Variants in ABCA4 observed in about 807,000 individuals in gnomAD.
The protein encoded by ABCA4 is ATP binding cassette subfamily A member 4, also known as retinal-specific phospholipid-transporting ATPase ABCA4.
A neutral mutation model predicts 263.7 loss-of-function variants in ABCA4; 196 were observed. The observed-to-expected ratio is 0.74, with a 90% CI of 0.66 to 0.84. The LOEUF is 0.84. Ranked by LOEUF, ABCA4 falls within the 40% of genes least tolerant of loss-of-function variation. The pLI is 0.00. For missense variants in ABCA4, 2,792 were observed against 2,855.1 expected, an observed-to-expected ratio of 0.98 and a Z score of 0.50; for synonymous variants, 1,133 against 1,094.2, an observed-to-expected ratio of 1.04 and a Z score of -0.70.
At chr1:94,117,035 T>C (rs1662807502) in intron 1 of ABCA4, among the ~76,000 whole-genome samples, 1 of 148,098 alleles carries the variant, frequency 6.8e-6, no homozygotes, top group Non-Finnish European at 1.5e-5. Context: ...TCCTTTTCTT[T>C]CTTTCTTCTT....
chr1:94,084,301 A>C (rs1661779313), intron 6 of ABCA4, among the ~76,000 whole-genome samples: 1 of 152,250 alleles, frequency 6.6e-6, no homozygotes, highest in South Asian at 2.1e-4. Context: ...GTAGGTGTGA[A>C]GTGAGCACTG....
At chr1:94,040,466 G>A (rs1473997595) in intron 23 of ABCA4, among the ~76,000 whole-genome samples, 4 of 152,074 alleles carry the variant, frequency 2.6e-5, no homozygotes, top group Non-Finnish European at 2.9e-5. Context: ...AAACCCCAGC[G>A]GCAGCCAGAC....
chr1:94,041,741 A>G lies in ABCA4; in HGVS notation c.3329-339T>C, dbSNP rs116951320. Among the ~76,000 whole-genome samples, 60 of 152,206 alleles carry G rather than the reference A, an allele frequency of 3.9e-4. No homozygotes were observed. The East Asian group carries it at 9.5e-3, about 24-fold the overall frequency. ...CATTTTCTGGATCATTAAGCTCTGG[A>G]TTTATACTCTTCATAAAGAACACAC... On this transcript the variant is annotated intron_variant, in intron 22 of 49. Transcript: ENST00000370225.
Position 94,046,455 on chromosome 1 carries a change from C to CAAAAAAAA in ABCA4, c.2918+456_2918+463dup, listed in dbSNP as rs61333901. ...CCAGCATGGGTAATGGTTACTATCT[C>CAAAAAAAA]AAAAAAAAAAAAAAAAAAAAAGAAA... On this transcript the variant is annotated intron_variant, in intron 19 of 49. Transcript: ENST00000370225. Among the ~76,000 whole-genome samples the CAAAAAAAA allele has an allele frequency of 1.5e-3, 62 of 42,116 alleles. 1 individual carries two copies. The highest frequency in any genetic ancestry group is 1.9e-3 in the Non-Finnish European group (42 of 22,152). The allele number at this position is 42,116 out of a possible 152,430, so 27.6% of individuals were successfully genotyped here. A position where few individuals can be genotyped will look rare whatever the true frequency, so the allele number is the denominator to read the frequency against.
rs1224355849 is a variant in ABCA4 at position 93,996,150 on chromosome 1, G to A, written c.6775C>T (p.Pro2259Ser). 1.2e-6 allele frequency: 2 copies of A among 1,613,926 alleles called. No homozygotes were observed. Among genetic ancestry groups the A allele is most frequent in the African/African-American group, 2.7e-5 (2 of 74,944 alleles). The change falls in exon 49 of 50, where the codon CCT (proline) becomes TCT (serine). Residue 2259 changes from proline to serine, a missense_variant. By Grantham distance (74) the Pro-to-Ser change is moderately conservative. Transcript: ENST00000370225. Reference protein sequence around the residue: ...AKQQTESHDLPLHPRAAGASR... With the variant: ...AKQQTESHDLSLHPRAAGASR... ...GCTCCAGCAGCTCGAGGGTGCAGAGGGAGGTCATGACTTTCAGTCTGCTGT... is the reference window on the plus strand; with the variant it reads ...GCTCCAGCAGCTCGAGGGTGCAGAGAGAGGTCATGACTTTCAGTCTGCTGT...
chr1:94,043,351 C>A lies in ABCA4; in HGVS notation c.3175G>T (p.Ala1059Ser), dbSNP rs765972338. The A allele has an allele frequency of 4.3e-6, 7 of 1,613,956 alleles. No individual in the cohort carries two copies. The highest frequency in any genetic ancestry group is 2.7e-5 in the African/African-American group (2 of 74,890). The change falls in exon 21 of 50, where the codon GCT becomes TCT. Residue 1059 changes from alanine to serine, a missense_variant. By Grantham distance (99) the Ala-to-Ser change is moderately conservative (BLOSUM62 1). Coordinates refer to ENST00000370225, the MANE Select transcript of ABCA4 (RefSeq NM_000350.3). Reference sequence around the variant, plus strand: ...CTCTGAGCACCTGATAGGTCCTGAGCCTCTTCATTCCGCTTGTGGTGGAGG... The same window carrying A: ...CTCTGAGCACCTGATAGGTCCTGAGACTCTTCATTCCGCTTGTGGTGGAGG... ...TGLHHKRNEE[A>S]QDLSGGMQRK...
chr1:94,015,613 G>A, intron 37 of ABCA4, 126 bp downstream of exon 37: 1 of 771,100 alleles, frequency 1.3e-6, no homozygotes, highest in Non-Finnish European at 2.3e-6. Context: ...CCTACCTGGG[G>A]CCGGAAGCTA....
At chr1:94,057,993 A>C (rs1661024796) in intron 14 of ABCA4, among the ~76,000 whole-genome samples, 1 of 152,234 alleles carries the variant, frequency 6.6e-6, no homozygotes. Flanking sequence ...CCTCTCATAG[A>C]AAAGAGACCA....
chr1:94,062,524 T>C, intron 13 of ABCA4, 53 bp downstream of exon 13: 48 of 691,874 alleles, frequency 6.9e-5, no homozygotes, highest in East Asian at 8.9e-5. Context: ...CCCAGCCCAC[T>C]CCAGCACCCC....
chr1:94,051,601 A>C (rs1415543154), intron 17 of ABCA4, 32 bp downstream of exon 17: 1 of 1,583,554 alleles, frequency 6.3e-7, no homozygotes. Flanking sequence ...AGTTGATTTC[A>C]AACATTAAGA....
chr1:94,090,372 A>C (rs1369737262), intron 6 of ABCA4, among the ~76,000 whole-genome samples: 1 of 151,662 alleles, frequency 6.6e-6, no homozygotes, highest in Non-Finnish European at 1.5e-5. Flanking sequence ...AAAAAAAAAA[A>C]CTTCAAATCT....
chr1:94,001,432 T>C (rs186760911), intron 45 of ABCA4: 148 of 494,566 alleles, frequency 3.0e-4, no homozygotes, highest in African/African-American at 2.7e-3. Context: ...CTCAGGTCAC[T>C]TCCTTGGTTC....
chr1:94,097,696 G>A (rs570086675), intron 6 of ABCA4, among the ~76,000 whole-genome samples: 2 of 152,254 alleles, frequency 1.3e-5, no homozygotes, highest in South Asian at 4.1e-4. Context: ...TGGGGGTGGG[G>A]ATTTAGCACT....
chr1:94,010,768 G>C (rs1557763553), intron 40 of ABCA4, 32 bp downstream of exon 40: 5 of 1,614,006 alleles, frequency 3.1e-6, no homozygotes, highest in Non-Finnish European at 4.2e-6. Context: ...GCCCTGAGCT[G>C]CCCACTGGCC....
At chr1:94,049,301 C>A (rs1660771998) in intron 17 of ABCA4, among the ~76,000 whole-genome samples, 1 of 152,138 alleles carries the variant, frequency 6.6e-6, no homozygotes, top group Non-Finnish European at 1.5e-5. Context: ...CAATACAAAA[C>A]ATGTGAAAGT....
At chr1:94,076,331 G>C (rs1271142767) in intron 11 of ABCA4, among the ~76,000 whole-genome samples, 2 of 152,196 alleles carry the variant, frequency 1.3e-5, no homozygotes, top group Non-Finnish European at 2.9e-5. Flanking sequence ...ATCAGCAGAG[G>C]AGAGGGCCTG....
At chr1:94,068,088 T>C (rs1384589762) in intron 11 of ABCA4, among the ~76,000 whole-genome samples, 1 of 152,174 alleles carries the variant, frequency 6.6e-6, no homozygotes, top group Non-Finnish European at 1.5e-5. Context: ...TCTGGGAACA[T>C]ATCCCATCCT....
chr1:94,034,243 T>C (rs1245558959), intron 26 of ABCA4, among the ~76,000 whole-genome samples: 1 of 152,188 alleles, frequency 6.6e-6, no homozygotes, highest in Non-Finnish European at 1.5e-5. Context: ...CAATAAATAA[T>C]GAAGGGCTGC....
intron 4 of ABCA4, among the ~76,000 whole-genome samples, chr1:94,103,790 C>T (rs977107232): frequency 3.3e-5 from 5 of 152,150 alleles, no homozygotes; most frequent in Admixed American, 6.5e-5. Context: ...GAGTTGGGGC[C>T]ATTAAGGGCA....
Sources: allele counts gnomAD v4.1 joint callset (sites outside exome capture counted in the v4.1 genomes callset), GRCh38; gene constraint gnomAD v4.1.1; transcripts MANE v1.5; gene names NCBI Gene and HGNC (gene_info 2026-07-23, HGNC 2026-07-21).